Variants in RGS9 observed in about 807,000 individuals in gnomAD.
The protein encoded by RGS9 is regulator of G protein signaling 9.
In RGS9, 78 loss-of-function variants were observed where a neutral mutation model predicts 102.0. That is an observed-to-expected ratio of 0.76 (90% confidence interval 0.64 to 0.92). The LOEUF is 0.92. Among genes scored for constraint, RGS9 ranks in the 40% least tolerant of loss-of-function variants. The pLI, the probability that RGS9 is intolerant of heterozygous loss-of-function variation, is 0.00. For synonymous variants in RGS9, 353 were observed against 318.6 expected (o/e 1.11, Z -1.15); for missense variants, 833 against 866.1 (o/e 0.96, Z 0.48).
At chr17:65,187,723 T>A (rs1004248057) in intron 9 of RGS9, among the ~76,000 whole-genome samples, 1 of 152,120 alleles carries the variant, frequency 6.6e-6, no homozygotes, top group Non-Finnish European at 1.5e-5. Context: ...TGAGGCCGGG[T>A]GCGGTGGCTC....
intron 9 of RGS9, chr17:65,185,207 C>G (rs1310055350): frequency 1.3e-5 from 2 of 152,138 alleles, no homozygotes; most frequent in Non-Finnish European, 2.9e-5. Flanking sequence ...CTGCTTTTTC[C>G]AGGTTCATAA....
At chr17:65,174,555 G>A (rs562663605) in intron 8 of RGS9, among the ~76,000 whole-genome samples, 1 of 151,948 alleles carries the variant, frequency 6.6e-6, no homozygotes, top group African/African-American at 2.4e-5. Flanking sequence ...ACATGTAAGT[G>A]AGCATGTATG....
intron 10 of RGS9, among the ~76,000 whole-genome samples, 179 bp from the exon 11 acceptor site, chr17:65,189,996 T>C (rs1410928332): frequency 1.3e-5 from 2 of 152,174 alleles, no homozygotes; most frequent in African/African-American, 2.4e-5. Context: ...GGCCACTGAT[T>C]TGAAGTCTGT....
intron 7 of RGS9, among the ~76,000 whole-genome samples, chr17:65,167,390 C>T (rs1008205927): frequency 6.6e-5 from 10 of 151,926 alleles, no homozygotes; most frequent in Non-Finnish European, 1.0e-4. Flanking sequence ...TTGGTAGAGA[C>T]GGGGTTTCAC....
intron 1 of RGS9, among the ~76,000 whole-genome samples, chr17:65,145,787 G>A (rs540504013): frequency 3.9e-5 from 6 of 152,202 alleles, no homozygotes; most frequent in Admixed American, 6.5e-5. Flanking sequence ...GTAGGGGGAC[G>A]CAGTTCAGCC....
intron 1 of RGS9, among the ~76,000 whole-genome samples, chr17:65,142,038 C>T (rs1364967173): frequency 6.6e-6 from 1 of 152,214 alleles, no homozygotes; most frequent in Non-Finnish European, 1.5e-5. Flanking sequence ...GGACGGATCA[C>T]TAGGTCAGGA....
At chr17:65,166,575 GA>G (rs1346466053) in intron 7 of RGS9, among the ~76,000 whole-genome samples, 1 of 152,178 alleles carries the variant, frequency 6.6e-6, no homozygotes, top group Non-Finnish European at 1.5e-5. Context: ...TGCTGTTGCT[GA>G]AAAAATCACA....
chr17:65,207,748 C>T (rs1913124185), intron 15 of RGS9, among the ~76,000 whole-genome samples, 174 bp from the exon 16 acceptor site: 2 of 152,058 alleles, frequency 1.3e-5, no homozygotes. Flanking sequence ...TGGAGGGGAC[C>T]ACACTTGAGA....
chr17:65,176,719 C>T (rs2144033796), intron 8 of RGS9, among the ~76,000 whole-genome samples: 2 of 140,256 alleles, frequency 1.4e-5, no homozygotes, highest in South Asian at 4.4e-4. Flanking sequence ...AACCATCCAT[C>T]CATCCATCCA....
intron 9 of RGS9, among the ~76,000 whole-genome samples, chr17:65,186,585 A>T (rs1912134233): frequency 6.6e-6 from 1 of 152,304 alleles, no homozygotes; most frequent in Admixed American, 6.5e-5. Context: ...AAGGAATGGG[A>T]AGAGAGCAGG....
intron 1 of RGS9, among the ~76,000 whole-genome samples, chr17:65,149,220 C>T (rs558411163): frequency 1.8e-4 from 27 of 152,156 alleles, no homozygotes; most frequent in South Asian, 1.0e-3. Context: ...GTGATCCACC[C>T]GCCTTGGCCT....
intron 1 of RGS9, among the ~76,000 whole-genome samples, chr17:65,141,216 G>T (rs1211694761): frequency 6.6e-6 from 1 of 152,208 alleles, no homozygotes; most frequent in Admixed American, 6.5e-5. Flanking sequence ...GGCTTTGCTG[G>T]GGAATTAGCT....
intron 8 of RGS9, among the ~76,000 whole-genome samples, chr17:65,176,613 G>A (rs1179020259): frequency 6.6e-6 from 1 of 152,192 alleles, no homozygotes; most frequent in African/African-American, 2.4e-5. Context: ...TGTGGGAAGA[G>A]TCAGGAAGCC....
intron 9 of RGS9, among the ~76,000 whole-genome samples, chr17:65,187,241 A>G (rs1240591617): frequency 6.6e-6 from 1 of 152,208 alleles, no homozygotes; most frequent in African/African-American, 2.4e-5. Context: ...GTGCTAGGGA[A>G]GATAGACCTG....
chr17:65,188,883 G>A, intron 9 of RGS9: 1 of 230,318 alleles, frequency 4.3e-6, no homozygotes, highest in Non-Finnish European at 8.6e-6. Flanking sequence ...CCAAAGTGCT[G>A]GGATTACAGG....
At position 65,225,155 on chromosome 17, in the gene RGS9, A is replaced by T. The variant is rs755826378; in HGVS notation, c.1561A>T (p.Ile521Phe). The T allele has an allele frequency of 1.2e-6, 2 of 1,613,344 alleles. No individual in the cohort carries two copies. Among genetic ancestry groups the T allele is most frequent in the African/African-American group, 2.7e-5 (2 of 74,862 alleles). The change falls in exon 18 of 19, where the codon ATC becomes TTC. Residue 521 changes from isoleucine to phenylalanine, a missense_variant. Transcript: ENST00000262406. ...SRFIRRPSTTICPSPIRVALE... is the reference protein window; with the variant it reads ...SRFIRRPSTTFCPSPIRVALE... ...CTTCATCCGGCGACCCAGCACCACCATCTGCCCCTCACCCATCAGAGTGGC... is the reference window on the plus strand; with the variant it reads ...CTTCATCCGGCGACCCAGCACCACCTTCTGCCCCTCACCCATCAGAGTGGC...
chr17:65,173,425 G>A lies in RGS9; in HGVS notation c.583-4307G>A, dbSNP rs192480799. ...CCACGCTGGCCTTGCTCTGTATGTG[G>A]GTTCCTGGGAACATCGCCTCCTCAC... On this transcript the variant is annotated intron_variant, in intron 8 of 18. Transcript: ENST00000262406. The surrounding 1 kb of genome is among the most constrained non-coding windows in gnomAD (Gnocchi z 4.8). 1.4e-4 allele frequency among the ~76,000 whole-genome samples: 22 copies of A among 152,060 alleles called. No individual in the cohort carries two copies. The East Asian group carries it at 4.3e-3, about 30-fold the overall frequency.
chr17:65,189,143 T>C, intron 9 of RGS9, 143 bp from the exon 10 acceptor site: 2 of 697,364 alleles, frequency 2.9e-6, no homozygotes, highest in Admixed American at 4.4e-5. Context: ...GTGGAGGCAG[T>C]AGACATGGAG....
At chr17:65,210,748 C>T in intron 17 of RGS9, 143 bp downstream of exon 17, 1 of 1,415,588 alleles carries the variant, frequency 7.1e-7, no homozygotes, top group Non-Finnish European at 9.6e-7. Context: ...TTCCATTCCC[C>T]ATTTGTGGAG....
Sources: allele counts gnomAD v4.1 joint callset (sites outside exome capture counted in the v4.1 genomes callset), GRCh38; gene constraint gnomAD v4.1.1; non-coding constraint Gnocchi (gnomAD v3.1); transcripts MANE v1.5; gene names NCBI Gene and HGNC (gene_info 2026-07-23, HGNC 2026-07-21).